The following HAVCR1 variants were observed in gnomAD, a reference collection of about 807,000 sequenced individuals.
HAVCR1 encodes hepatitis A virus cellular receptor 1.
In HAVCR1, 34 loss-of-function variants were observed where a neutral mutation model predicts 32.0. The ratio of observed to expected loss-of-function variants is 1.06; its 90% CI spans 0.81 to 1.42. The LOEUF (loss-of-function observed/expected upper bound fraction) is 1.42, where lower values mean the gene tolerates loss of function less well. HAVCR1 is among the 40% of genes most tolerant of loss of function. The pLI, the probability that HAVCR1 is intolerant of heterozygous loss-of-function variation, is 0.00. For synonymous variants in HAVCR1, 178 were observed against 170.3 expected (o/e 1.05, Z -0.35); for missense variants, 420 against 442.3 (o/e 0.95, Z 0.45).
rs1323605236 is a variant in HAVCR1 at position 157,029,833 on chromosome 5, A to G, written c.995T>C (p.Phe332Ser). Residue 332 changes from phenylalanine (F) to serine (S), a missense_variant, in exon 9 of 9, where the codon TTT becomes TCT. Physicochemically the swap from Phe to Ser is radical, Grantham distance 155. Transcript: ENST00000523175. ...CAAAGCTTTAATTTGAAGGCTGCTAAATGAAACACTGTAGAAAGAGTTGTT... is the reference window on the plus strand; with the variant it reads ...CAAAGCTTTAATTTGAAGGCTGCTAGATGAAACACTGTAGAAAGAGTTGTT... ...KKEVQQLSVS[F>S]SSLQIKALQN... 3.7e-6 allele frequency: 6 copies of G among 1,612,234 alleles called. No individual in the cohort carries two copies. Among genetic ancestry groups the G allele is most frequent in the Non-Finnish European group, 5.1e-6 (6 of 1,179,294 alleles).
At chr5:157,048,951 C>A (rs1581711467) in intron 5 of HAVCR1, 87 bp downstream of exon 5, 1 of 786,768 alleles carries the variant, frequency 1.3e-6, no homozygotes, top group South Asian at 1.4e-5. Context: ...TCAGATCAGT[C>A]GTATTCCAGA....
chr5:157,032,121 T>C (rs556078895), intron 8 of HAVCR1, among the ~76,000 whole-genome samples: 53 of 152,322 alleles, frequency 3.5e-4, no homozygotes, highest in African/African-American at 1.1e-3. Flanking sequence ...GCTTATTTGC[T>C]TACATGGTTT....
At chr5:157,039,674 C>T (rs116207057) in intron 6 of HAVCR1, among the ~76,000 whole-genome samples, 71 of 152,274 alleles carry the variant, frequency 4.7e-4, no homozygotes, top group East Asian at 1.5e-3. Flanking sequence ...TACGGCAATA[C>T]GTGCACATGC....
At chr5:157,061,135 T>C (rs1756481579), upstream of HAVCR1, among the ~76,000 whole-genome samples, 1 of 152,060 alleles carries the variant, frequency 6.6e-6, no homozygotes. Context: ...TGGCCTCAAG[T>C]GATACGCTCA....
intron 5 of HAVCR1, among the ~76,000 whole-genome samples, chr5:157,047,692 A>T (rs1463583525): frequency 6.6e-6 from 1 of 152,220 alleles, no homozygotes; most frequent in African/African-American, 2.4e-5. Context: ...TCTCATCATC[A>T]GTATCCTTTG....
upstream of HAVCR1, among the ~76,000 whole-genome samples, chr5:157,060,036 C>CATTGT (rs1307388176): frequency 3.9e-5 from 6 of 151,956 alleles, no homozygotes; most frequent in East Asian, 1.2e-3. Flanking sequence ...TTATTACTAA[C>CATTGT]ATATTGAGCT....
chr5:157,055,783 T>TC (rs1756094020), intron 2 of HAVCR1, among the ~76,000 whole-genome samples: 1 of 151,470 alleles, frequency 6.6e-6, no homozygotes, highest in South Asian at 2.1e-4. Context: ...GAGAAGTGCT[T>TC]GAACCTGGGA....
chr5:157,045,373 T>C (rs1309631372), intron 5 of HAVCR1, among the ~76,000 whole-genome samples: 1 of 152,208 alleles, frequency 6.6e-6, no homozygotes, highest in Non-Finnish European at 1.5e-5. Context: ...TACAATTAAA[T>C]TAGATGATGC....
the HAVCR1 span, among the ~76,000 whole-genome samples, chr5:157,067,615 C>A: frequency 6.6e-6 from 1 of 152,314 alleles, no homozygotes; most frequent in East Asian, 1.9e-4. Context: ...CTGCAAGGAG[C>A]TGTGATTGCA....
chr5:157,062,927 C>T (rs1756519345), upstream of HAVCR1, among the ~76,000 whole-genome samples: 1 of 151,958 alleles, frequency 6.6e-6, no homozygotes, highest in Non-Finnish European at 1.5e-5. Flanking sequence ...CAAGACCAGC[C>T]TGGCCAATAT....
chr5:157,044,368 C>CGAAGGAAGGAAGGAAG (rs573183336), intron 5 of HAVCR1, among the ~76,000 whole-genome samples: 16 of 31,332 alleles, frequency 5.1e-4, no homozygotes, highest in Non-Finnish European at 6.5e-4. Flanking sequence ...AAAGAAAGGA[C>CGAAGGAAGGAAGGAAG]GAAGGAAGGA....
intron 2 of HAVCR1, among the ~76,000 whole-genome samples, chr5:157,056,415 T>A (rs1434684769): frequency 6.6e-6 from 1 of 150,792 alleles, no homozygotes; most frequent in South Asian, 2.1e-4. Flanking sequence ...AGTCTTGCTC[T>A]GTCGCCCAGG....
intron 8 of HAVCR1, among the ~76,000 whole-genome samples, chr5:157,031,981 C>T (rs1282543686): frequency 2.0e-5 from 3 of 152,106 alleles, no homozygotes; most frequent in Non-Finnish European, 4.4e-5. Context: ...AGTGCCTTTG[C>T]ACTCCCTGCC....
intron 6 of HAVCR1, among the ~76,000 whole-genome samples, chr5:157,041,594 T>C (rs188089963): frequency 3.9e-5 from 6 of 152,126 alleles, no homozygotes; most frequent in African/African-American, 1.2e-4. Context: ...CTACATAAAA[T>C]GGTCATTAGG....
the HAVCR1 span, among the ~76,000 whole-genome samples, chr5:157,067,761 C>A: frequency 6.6e-6 from 1 of 152,114 alleles, no homozygotes; most frequent in African/African-American, 2.4e-5. Flanking sequence ...CGATCTCGGC[C>A]CACTGCAACC....
chr5:157,063,081 C>T (rs1226446582), upstream of HAVCR1, among the ~76,000 whole-genome samples: 3 of 147,234 alleles, frequency 2.0e-5, no homozygotes, highest in East Asian at 2.0e-4. Flanking sequence ...GATCACACAC[C>T]ACTGCACTCC....
intron 5 of HAVCR1, among the ~76,000 whole-genome samples, chr5:157,045,366 A>C (rs1302844079): frequency 6.6e-6 from 1 of 152,230 alleles, no homozygotes; most frequent in African/African-American, 2.4e-5. Context: ...AAGTTGTTAC[A>C]ATTAAATTAG....
intron 4 of HAVCR1, among the ~76,000 whole-genome samples, chr5:157,050,417 G>T (rs1755670447): frequency 6.6e-6 from 1 of 152,148 alleles, no homozygotes; most frequent in African/African-American, 2.4e-5. Context: ...GCAGGTACTA[G>T]GGGCACTGAG....
chr5:157,066,171 G>C, the HAVCR1 span, among the ~76,000 whole-genome samples: 110 of 151,696 alleles, frequency 7.3e-4, 1 homozygote, highest in Non-Finnish European at 1.1e-3. Flanking sequence ...TGAAGCAAAC[G>C]CATCAAAGAA....
Sources: gnomAD v4.1 joint callset for allele counts (sites outside exome capture counted in the v4.1 genomes callset) on GRCh38, gnomAD v4.1.1 for gene constraint, MANE v1.5 for transcripts, NCBI Gene and HGNC (gene_info 2026-07-23, HGNC 2026-07-21) for gene names.